Variants in TUSC3 observed in about 807,000 individuals in gnomAD.
TUSC3 encodes tumor suppressor candidate 3.
In TUSC3, 45 loss-of-function variants were observed where a neutral mutation model predicts 44.8. That is an observed-to-expected ratio of 1.00 (90% CI 0.79 to 1.29). The LOEUF is 1.29. TUSC3 is among the 50% of genes most tolerant of loss of function. TUSC3 has a pLI of 0.00. For synonymous variants in TUSC3, 212 were observed against 152.9 expected (o/e 1.39, Z -2.85); for missense variants, 519 against 437.9 (o/e 1.19, Z -1.65).
the TUSC3 span, among the ~76,000 whole-genome samples, chr8:15,797,572 C>T: frequency 0.29 from 43,484 of 152,016 alleles, 7,193 homozygotes; most frequent in African/African-American, 0.47. Context: ...GGCAACATGA[C>T]ACAGATAGGA....
intron 1 of TUSC3, among the ~76,000 whole-genome samples, chr8:15,437,501 A>C (rs1029585207): frequency 1.3e-5 from 2 of 152,194 alleles, no homozygotes; most frequent in Admixed American, 6.5e-5. Context: ...AATTTGAAGG[A>C]TGCAGCAATG....
intron 1 of TUSC3, among the ~76,000 whole-genome samples, chr8:15,560,490 G>A (rs931562412): frequency 1.3e-5 from 2 of 150,952 alleles, no homozygotes; most frequent in African/African-American, 4.9e-5. Flanking sequence ...TCTTGGAGTT[G>A]CTCTTCTCGA....
intron 2 of TUSC3, among the ~76,000 whole-genome samples, chr8:15,519,494 C>A (rs900641048): frequency 1.3e-5 from 2 of 152,172 alleles, no homozygotes; most frequent in African/African-American, 4.8e-5. Context: ...CCAGGCCACA[C>A]AGCAGGAGGT....
At chr8:15,610,656 G>C (rs1804721490) in intron 1 of TUSC3, among the ~76,000 whole-genome samples, 1 of 152,180 alleles carries the variant, frequency 6.6e-6, no homozygotes, top group Non-Finnish European at 1.5e-5. Context: ...AGAATAAATA[G>C]AGCAAAGAGA....
At chr8:15,563,498 C>T (rs113738690) in intron 1 of TUSC3, among the ~76,000 whole-genome samples, 3 of 151,896 alleles carry the variant, frequency 2.0e-5, no homozygotes. Flanking sequence ...ACAGCCTGGC[C>T]AATATGGTGA....
At chr8:15,705,830 C>T (rs2129197422) in intron 6 of TUSC3, among the ~76,000 whole-genome samples, 1 of 152,106 alleles carries the variant, frequency 6.6e-6, no homozygotes, top group African/African-American at 2.4e-5. Flanking sequence ...GTTCTCATCC[C>T]CTCCTTCATG....
chr8:15,644,685 G>A (rs756939931), intron 2 of TUSC3, among the ~76,000 whole-genome samples: 4 of 151,842 alleles, frequency 2.6e-5, no homozygotes, highest in Non-Finnish European at 5.9e-5. Flanking sequence ...TGTTATTGGG[G>A]CACATTTTTT....
At position 15,724,770 on chromosome 8, in the gene TUSC3, G is replaced by T. The variant is rs571740419; in HGVS notation, c.799-5896G>T. Among the ~76,000 whole-genome samples the T allele has an allele frequency of 2.6e-5, 4 of 152,152 alleles. No homozygotes were observed. In the East Asian group the frequency reaches 7.7e-4, roughly 29 times the overall value. On this transcript the variant is annotated intron_variant, in intron 6 of 10. Coordinates refer to ENST00000503731, the MANE Select transcript of TUSC3 (RefSeq NM_006765.4). ...ACTTTTTCATGATGTTTTCAAGGAGGGTGAAAGAAAATAGATGGGAAAAGT... is the reference window on the plus strand; with the variant it reads ...ACTTTTTCATGATGTTTTCAAGGAGTGTGAAAGAAAATAGATGGGAAAAGT...
At chr8:15,725,463 T>C (rs1037482199) in intron 6 of TUSC3, among the ~76,000 whole-genome samples, 3 of 152,200 alleles carry the variant, frequency 2.0e-5, no homozygotes, top group Non-Finnish European at 4.4e-5. Context: ...AATTACTCAC[T>C]GGCAAGAGAA....
chr8:15,766,797 C>T (rs1010504672), downstream of TUSC3: 1 of 152,088 alleles, frequency 6.6e-6, no homozygotes, highest in African/African-American at 2.4e-5. Context: ...ATCACCTAAG[C>T]AAACCTCCCT....
In TUSC3 at chr8:15,465,869, C is replaced by A. The variant is rs1800406778; in HGVS notation, n.92-17517C>A. 1.3e-5 allele frequency among the ~76,000 whole-genome samples: 2 copies of A among 152,162 alleles called. 1 individual carries two copies. The highest frequency in any genetic ancestry group is 4.1e-4 in the South Asian group (2 of 4,828). On this transcript the variant is annotated intron_variant and non_coding_transcript_variant, in intron 1 of 5. Coordinates refer to the TUSC3 transcript ENST00000503191. ...TTTAGGTTCAAGGTGTCTTCAAAGT[C>A]AACAGGCATTTCCTCATTTTCTGTC...
At chr8:15,819,593 T>C in the TUSC3 span, among the ~76,000 whole-genome samples, 1 of 152,182 alleles carries the variant, frequency 6.6e-6, no homozygotes, top group Non-Finnish European at 1.5e-5. Flanking sequence ...TACTAGCAAA[T>C]AATCTCTTGT....
At chr8:15,691,953 G>A (rs562802951) in intron 6 of TUSC3, among the ~76,000 whole-genome samples, 1 of 152,060 alleles carries the variant, frequency 6.6e-6, no homozygotes, top group African/African-American at 2.4e-5. Flanking sequence ...GCTAATTTTT[G>A]TATTTTTAGT....
intron 2 of TUSC3, among the ~76,000 whole-genome samples, chr8:15,519,147 A>G (rs1801260596): frequency 6.6e-6 from 1 of 152,284 alleles, no homozygotes; most frequent in Admixed American, 6.5e-5. Flanking sequence ...TTTTAATTAA[A>G]TTGTTGAAGG....
intron 2 of TUSC3, among the ~76,000 whole-genome samples, chr8:15,507,906 G>C (rs1019553336): frequency 1.8e-4 from 27 of 152,272 alleles, no homozygotes; most frequent in African/African-American, 5.5e-4. Context: ...CATTTAAATA[G>C]AGGAGGTAAA....
intron 2 of TUSC3, among the ~76,000 whole-genome samples, chr8:15,505,686 T>C (rs1801042425): frequency 6.6e-6 from 1 of 152,202 alleles, no homozygotes; most frequent in Non-Finnish European, 1.5e-5. Context: ...ACTGCATTTT[T>C]AACTGATGAA....
At chr8:15,522,966 A>G (rs994787836) in intron 2 of TUSC3, among the ~76,000 whole-genome samples, 4 of 152,138 alleles carry the variant, frequency 2.6e-5, no homozygotes, top group African/African-American at 7.2e-5. Context: ...TTGAAAACCA[A>G]TGCGAAGATG....
intron 2 of TUSC3, among the ~76,000 whole-genome samples, chr8:15,534,323 A>T (rs928665178): frequency 6.6e-6 from 1 of 152,138 alleles, no homozygotes; most frequent in East Asian, 1.9e-4. Flanking sequence ...CTAGGGTTAA[A>T]TTTCTCATGG....
At chr8:15,459,850 G>C (rs572857205) in intron 1 of TUSC3, among the ~76,000 whole-genome samples, 1 of 148,880 alleles carries the variant, frequency 6.7e-6, no homozygotes, top group African/African-American at 2.6e-5. Context: ...GTGTGTGTGT[G>C]TGTGTATGTG....
Sources: allele counts gnomAD v4.1 joint callset (sites outside exome capture counted in the v4.1 genomes callset), GRCh38; gene constraint gnomAD v4.1.1; transcripts MANE v1.5; gene names NCBI Gene and HGNC (gene_info 2026-07-23, HGNC 2026-07-21).